The following A1CF variants were observed in gnomAD, a reference collection of about 807,000 sequenced individuals.
A1CF encodes APOBEC-1 stimulating protein.
In A1CF, 48 loss-of-function variants were observed where a neutral mutation model predicts 68.9. The observed-to-expected ratio is 0.70, with a 90% CI of 0.55 to 0.89. The LOEUF (loss-of-function observed/expected upper bound fraction) is 0.89. Ranked by LOEUF, A1CF falls within the 40% of genes least tolerant of loss-of-function variation. The probability of loss-of-function intolerance (pLI) is 0.00; values close to 1 mark genes in which losing one functional copy is unlikely to be tolerated. For missense variants in A1CF, 653 were observed against 718.9 expected, an observed-to-expected ratio of 0.91 and a Z score of 1.05; for synonymous variants, 272 against 260.4, an observed-to-expected ratio of 1.04 and a Z score of -0.43.
chr10:50,818,114 C>T (rs1325605354), intron 8 of A1CF, among the ~76,000 whole-genome samples: 2 of 152,144 alleles, frequency 1.3e-5, no homozygotes, highest in Admixed American at 1.3e-4. Flanking sequence ...CTGCATATGG[C>T]TGTCTCCTAC....
intron 1 of A1CF, among the ~76,000 whole-genome samples, chr10:50,874,333 C>A (rs1414531574): frequency 6.6e-6 from 1 of 152,156 alleles, no homozygotes; most frequent in Non-Finnish European, 1.5e-5. Context: ...CCAATAGAAA[C>A]ACATCTTCCT....
At chr10:50,816,359 C>T in intron 8 of A1CF, 80 bp from the exon 9 acceptor site, 5 of 1,420,092 alleles carry the variant, frequency 3.5e-6, no homozygotes, top group Non-Finnish European at 2.9e-6. Context: ...TAACATGACT[C>T]CTTCTAAGTG....
intron 12 of A1CF, among the ~76,000 whole-genome samples, chr10:50,809,312 A>C (rs1007029834): frequency 5.9e-5 from 9 of 152,188 alleles, no homozygotes; most frequent in Admixed American, 2.0e-4. Context: ...ACTCTCACAA[A>C]ATTTTTGACT....
In A1CF at chr10:50,799,749, G is replaced by C. The variant is rs561116239; in HGVS notation, c.*6980C>G. 4.6e-5 allele frequency: 7 copies of C among 152,158 alleles called. No individual in the cohort carries two copies. Among genetic ancestry groups the C allele is most frequent in the South Asian group, 2.1e-4 (1 of 4,824 alleles). 9.4% of individuals were successfully genotyped at this position (152,158 alleles called of 1,614,324 possible). ...ATAAAAATAATAACAAAAAAGAAAA[G>C]AAGAAAGAGATTGTTAAACATCTGG... On this transcript the variant is annotated 3_prime_UTR_variant, in exon 13 of 13. Transcript: ENST00000373997.
intron 10 of A1CF, 55 bp downstream of exon 10, chr10:50,813,802 A>T: frequency 1.9e-6 from 3 of 1,561,308 alleles, no homozygotes; most frequent in Non-Finnish European, 2.6e-6. Flanking sequence ...GATAAAAGTG[A>T]ATGATGCTCA....
At chr10:50,867,480 A>C (rs1378424016) in intron 1 of A1CF, among the ~76,000 whole-genome samples, 1 of 152,216 alleles carries the variant, frequency 6.6e-6, no homozygotes, top group African/African-American at 2.4e-5. Flanking sequence ...GGAGCTACAT[A>C]ATGTGTACAC....
At chr10:50,828,354 A>T in intron 6 of A1CF, 59 bp from the exon 7 acceptor site, 3 of 1,332,266 alleles carry the variant, frequency 2.3e-6, no homozygotes, top group Non-Finnish European at 3.0e-6. Flanking sequence ...ACATCATCTC[A>T]ATTTATACCA....
intron 8 of A1CF, among the ~76,000 whole-genome samples, chr10:50,820,149 C>G (rs993074541): frequency 3.3e-5 from 5 of 152,150 alleles, no homozygotes; most frequent in African/African-American, 1.2e-4. Flanking sequence ...GAAGATCAAA[C>G]TATGAAGGCA....
intron 1 of A1CF, among the ~76,000 whole-genome samples, chr10:50,864,509 C>A (rs927617363): frequency 1.3e-5 from 2 of 151,938 alleles, no homozygotes; most frequent in Non-Finnish European, 2.9e-5. Flanking sequence ...CATTAACTGG[C>A]GATCAGAGTC....
intron 2 of A1CF, among the ~76,000 whole-genome samples, chr10:50,861,186 GA>G (rs572843556): frequency 3.3e-5 from 5 of 151,946 alleles, no homozygotes; most frequent in African/African-American, 1.2e-4. Flanking sequence ...GATCGTTTCT[GA>G]AAAATGCAGC....
At chr10:50,833,976 C>T (rs1452912390) in intron 6 of A1CF, among the ~76,000 whole-genome samples, 3 of 152,100 alleles carry the variant, frequency 2.0e-5, no homozygotes, top group East Asian at 1.9e-4. Flanking sequence ...TATGGCATAT[C>T]CTGGACAGAG....
intron 3 of A1CF, among the ~76,000 whole-genome samples, chr10:50,853,970 CA>C (rs1840365398): frequency 6.6e-6 from 1 of 151,836 alleles, no homozygotes; most frequent in African/African-American, 2.4e-5. Flanking sequence ...TGGACTATAT[CA>C]ATATTAAACA....
At chr10:50,865,711 A>C (rs1325385186) in intron 1 of A1CF, among the ~76,000 whole-genome samples, 4 of 152,086 alleles carry the variant, frequency 2.6e-5, no homozygotes, top group African/African-American at 9.7e-5. Flanking sequence ...ACTTTGCCAC[A>C]TTGGCCTTAC....
intron 7 of A1CF, among the ~76,000 whole-genome samples, chr10:50,826,856 A>C (rs1838966462): frequency 6.6e-6 from 1 of 152,198 alleles, no homozygotes; most frequent in African/African-American, 2.4e-5. Flanking sequence ...TAAAGAGTCA[A>C]GACTCATCAG....
Position 50,859,336 on chromosome 10 carries a change from A to C in A1CF, c.99+506T>G, listed in dbSNP as rs568944757. On this transcript the variant is annotated intron_variant, in intron 3 of 12. Transcript: ENST00000373997. ...TGGTGTTTTCTTTTTTCCTTTTACA[A>C]AATGCTAAGCATGGAGACAAGTTAG... is the stretch of plus-strand genomic sequence containing the variant. 1.1e-3 allele frequency among the ~76,000 whole-genome samples: 167 copies of C among 152,336 alleles called. 1 individual carries two copies. Among genetic ancestry groups the C allele is most frequent in the African/African-American group, 3.9e-3 (161 of 41,588 alleles).
chr10:50,820,503 C>T lies in A1CF; in HGVS notation c.867+49G>A, dbSNP rs559775404. The T allele has an allele frequency of 1.9e-6, 3 of 1,548,848 alleles. No individual in the cohort carries two copies. The African/African-American group carries it at 4.1e-5, about 21-fold the overall frequency. On this transcript the variant is annotated intron_variant, in intron 8 of 12. Coordinates refer to ENST00000373997, the MANE Select transcript of A1CF (RefSeq NM_014576.4). ...ACTGTGCTTTTGGATGTAATATCCA[C>T]ACCAAACTTGGATGTAATCTGCATA...
chr10:50,808,626 A>C (rs1288613278), intron 12 of A1CF, among the ~76,000 whole-genome samples: 1 of 152,216 alleles, frequency 6.6e-6, no homozygotes, highest in Non-Finnish European at 1.5e-5. Flanking sequence ...CTGCAATGTC[A>C]GCTGTTACCT....
rs535480718 is a variant in A1CF, at chr10:50,805,551, A to G, written c.*1178T>C. The G allele has an allele frequency of 5.9e-5, 9 of 152,362 alleles. No homozygotes were observed. Among genetic ancestry groups the G allele is most frequent in the Admixed American group, 1.3e-4 (2 of 15,308 alleles). The allele number at this position is 152,362 out of a possible 1,614,324, so 9.4% of individuals were successfully genotyped here. A position where few individuals can be genotyped will look rare whatever the true frequency, so the allele number is the denominator to read the frequency against. ...TTGTCTGAAACAGTTTCTAATCAGCAATGATTGCTGTAAGATTTTTCTGTG... is the reference window on the plus strand; with the variant it reads ...TTGTCTGAAACAGTTTCTAATCAGCGATGATTGCTGTAAGATTTTTCTGTG... On this transcript the variant is annotated 3_prime_UTR_variant, in exon 13 of 13. Transcript: ENST00000373997.
chr10:50,812,732 A>C (rs1328053233), intron 10 of A1CF, among the ~76,000 whole-genome samples: 4 of 152,114 alleles, frequency 2.6e-5, no homozygotes, highest in African/African-American at 4.8e-5. Context: ...TTCCCACTGG[A>C]TTGCCATCTA....
Sources: gnomAD v4.1 joint callset for allele counts (sites outside exome capture counted in the v4.1 genomes callset) on GRCh38, gnomAD v4.1.1 for gene constraint, MANE v1.5 for transcripts, NCBI Gene and HGNC (gene_info 2026-07-23, HGNC 2026-07-21) for gene names.